Variants in GPBP1 observed in about 807,000 individuals in gnomAD.
GPBP1 encodes vasculin.
GPBP1 carries 13 observed loss-of-function variants against 56.5 expected under a neutral mutation model. The observed-to-expected ratio is 0.23, with a 90% CI of 0.15 to 0.37. The LOEUF is 0.37. Among genes scored for constraint, GPBP1 ranks in the 10% least tolerant of loss-of-function variants. The pLI is 1.00. For missense variants in GPBP1, 477 were observed against 572.3 expected (o/e 0.83, Z 1.70); for synonymous variants, 204 against 188.9 (o/e 1.08, Z -0.66).
At chr5:57,228,146 C>T (rs1756277447) in intron 3 of GPBP1, among the ~76,000 whole-genome samples, 2 of 152,076 alleles carry the variant, frequency 1.3e-5, no homozygotes, top group Non-Finnish European at 2.9e-5. Context: ...TTAAAACCAC[C>T]TATATAGTCT....
intron 6 of GPBP1, among the ~76,000 whole-genome samples, chr5:57,240,158 G>C (rs1740755470): frequency 6.6e-6 from 1 of 151,868 alleles, no homozygotes; most frequent in African/African-American, 2.4e-5. Flanking sequence ...GGCTGAGGTG[G>C]GAGGACTGCT....
At chr5:57,198,851 C>T (rs1197123530) in intron 2 of GPBP1, among the ~76,000 whole-genome samples, 1 of 152,114 alleles carries the variant, frequency 6.6e-6, no homozygotes, top group African/African-American at 2.4e-5. Context: ...CTTTTTGGTA[C>T]TTCAGTGTCA....
intron 9 of GPBP1, among the ~76,000 whole-genome samples, chr5:57,250,628 C>T (rs1331670924): frequency 1.3e-5 from 2 of 151,452 alleles, no homozygotes; most frequent in African/African-American, 4.9e-5. Flanking sequence ...CTGCAACCTC[C>T]ACCTCCTAGG....
At chr5:57,229,952 C>CGTCCCGTCCCGTCCCGTCCT (rs1554070420) in intron 3 of GPBP1, among the ~76,000 whole-genome samples, 1 of 149,632 alleles carries the variant, frequency 6.7e-6, no homozygotes, top group African/African-American at 2.5e-5. Flanking sequence ...CGTCCCGTCC[C>CGTCCCGTCCCGTCCCGTCCT]GTCCCGTCCC....
intron 2 of GPBP1, among the ~76,000 whole-genome samples, chr5:57,203,849 T>C (rs918650396): frequency 3.9e-5 from 6 of 152,186 alleles, no homozygotes; most frequent in Non-Finnish European, 5.9e-5. Flanking sequence ...GATAGCTTGG[T>C]AACTAACAGA....
Position 57,175,808 on chromosome 5 carries a change from ATGAC to A in GPBP1, c.-646_-643del, listed in dbSNP as rs1159374623. ...TACTGAGTAGTTTCAGCAGTTTCAA[ATGAC>A]TGAGTATTGCTGAAGTTTCATGGCA... On this transcript the variant is annotated 5_prime_UTR_variant, in exon 2 of 12. An upstream open reading frame in the 5' UTR loses its in-frame stop. Transcript: ENST00000506184. 5.0e-6 allele frequency: 2 copies of A among 397,154 alleles called. No homozygotes were observed. Among genetic ancestry groups the A allele is most frequent in the African/African-American group, 4.1e-5 (2 of 48,760 alleles). The allele number at this position is 397,154 out of a possible 1,614,324, so 24.6% of individuals were successfully genotyped here. A position where few individuals can be genotyped will look rare whatever the true frequency, so the allele number is the denominator to read the frequency against.
At chr5:57,251,202 G>T in intron 10 of GPBP1, 61 bp downstream of exon 10, 1 of 1,363,526 alleles carries the variant, frequency 7.3e-7, no homozygotes, top group South Asian at 1.4e-5. Context: ...CAATATTATA[G>T]AGTTTTTACG....
chr5:57,200,360 A>ATTTTTTTTT (rs70999063), intron 2 of GPBP1, among the ~76,000 whole-genome samples: 1 of 69,772 alleles, frequency 1.4e-5, no homozygotes, highest in African/African-American at 6.0e-5. Context: ...ATAAGTTTGA[A>ATTTTTTTTT]TTTTTTTTTT....
intron 2 of GPBP1, among the ~76,000 whole-genome samples, chr5:57,204,340 C>T (rs1755142670): frequency 2.0e-5 from 3 of 152,148 alleles, no homozygotes; most frequent in African/African-American, 7.2e-5. Flanking sequence ...ACCTCCACCT[C>T]CCAGGCCCAA....
At chr5:57,221,358 C>A in intron 3 of GPBP1, 1 of 1,522,378 alleles carries the variant, frequency 6.6e-7, no homozygotes, top group South Asian at 1.2e-5. Context: ...TGTGACTGAT[C>A]TTATCATTTG....
intron 3 of GPBP1, among the ~76,000 whole-genome samples, chr5:57,227,741 T>C (rs192584228): frequency 9.2e-5 from 14 of 152,314 alleles, no homozygotes; most frequent in Non-Finnish European, 1.9e-4. Flanking sequence ...TGCTGTACCA[T>C]GAGTAATAAA....
rs576471735 is a variant in GPBP1 at position 57,231,522 on chromosome 5, C to T, written c.411+201C>T. On this transcript the variant is annotated intron_variant, in intron 5 of 11. Transcript: ENST00000506184. ...TCTTGACCTCAGGTGATCCACCTAC[C>T]TCAGCCTCCCAAAGTGCTGGGATTA... Among the ~76,000 whole-genome samples, 366 of 152,312 alleles carry T rather than the reference C, an allele frequency of 2.4e-3. 1 individual carries two copies. Among genetic ancestry groups the T allele is most frequent in the Non-Finnish European group, 4.3e-3 (293 of 68,034 alleles).
chr5:57,225,065 T>G (rs917561116), intron 3 of GPBP1, among the ~76,000 whole-genome samples: 1 of 152,072 alleles, frequency 6.6e-6, no homozygotes, highest in Non-Finnish European at 1.5e-5. Flanking sequence ...CTTTTTTTCT[T>G]AAGTGAAGTC....
rs933533221 is a variant in GPBP1, at chr5:57,199,470, A to G, written c.-57-14604A>G. 3.9e-5 allele frequency among the ~76,000 whole-genome samples: 6 copies of G among 152,226 alleles called. No homozygotes were observed. The East Asian group carries it at 9.7e-4, about 24-fold the overall frequency. On this transcript the variant is annotated intron_variant, in intron 2 of 11. Transcript: ENST00000506184. ...CTGGAAAGGAAATTGGATGAAGGAG[A>G]TAAGAATTGAAAGGTGACACTTCTC...
chr5:57,200,360 A>ATTTT (rs70999063), intron 2 of GPBP1, among the ~76,000 whole-genome samples: 10 of 69,814 alleles, frequency 1.4e-4, no homozygotes, highest in South Asian at 5.4e-4. Context: ...ATAAGTTTGA[A>ATTTT]TTTTTTTTTT....
intron 3 of GPBP1, among the ~76,000 whole-genome samples, chr5:57,218,566 A>G (rs1390537873): frequency 6.6e-6 from 1 of 152,104 alleles, no homozygotes; most frequent in Non-Finnish European, 1.5e-5. Flanking sequence ...GGTGGGGCTG[A>G]AAGTTCATAC....
At chr5:57,248,506 C>T (rs1741206336) in intron 8 of GPBP1, among the ~76,000 whole-genome samples, 1 of 145,024 alleles carries the variant, frequency 6.9e-6, no homozygotes, top group African/African-American at 2.6e-5. Context: ...CGGCTCACTG[C>T]AAGCTCCGCC....
intron 2 of GPBP1, among the ~76,000 whole-genome samples, chr5:57,197,666 A>AT (rs1225759811): frequency 2.1e-5 from 3 of 144,200 alleles, no homozygotes; most frequent in Non-Finnish European, 3.0e-5. Flanking sequence ...GCCTGCTTCA[A>AT]TTTTTTTTGC....
chr5:57,229,817 G>A (rs1270165229), intron 3 of GPBP1, among the ~76,000 whole-genome samples: 1 of 152,128 alleles, frequency 6.6e-6, no homozygotes, highest in Non-Finnish European at 1.5e-5. Flanking sequence ...GGGATTACAG[G>A]CGTGAGCCAC....
Sources: gnomAD v4.1 joint callset for allele counts (sites outside exome capture counted in the v4.1 genomes callset) on GRCh38, gnomAD v4.1.1 for gene constraint, MANE v1.5 for transcripts, NCBI Gene and HGNC (gene_info 2026-07-23, HGNC 2026-07-21) for gene names.